Variants in SLC4A10 observed in about 807,000 individuals in gnomAD.
The protein encoded by SLC4A10 is solute carrier family 4 member 10, also known as sodium-driven chloride bicarbonate exchanger.
In SLC4A10, 42 loss-of-function variants were observed where a neutral mutation model predicts 137.7. That is an observed-to-expected ratio of 0.30 (90% CI 0.24 to 0.39). The LOEUF (loss-of-function observed/expected upper bound fraction) is 0.39, where lower values mean the gene tolerates loss of function less well. SLC4A10 is among the 10% of genes least tolerant of loss of function. The pLI is 1.00. For synonymous variants in SLC4A10, 474 were observed against 464.1 expected, an observed-to-expected ratio of 1.02 and a Z score of -0.27; for missense variants, 925 against 1,355.0, an observed-to-expected ratio of 0.68 and a Z score of 4.98.
intron 1 of SLC4A10, among the ~76,000 whole-genome samples, chr2:161,710,389 C>G (rs1010843258): frequency 6.6e-6 from 1 of 151,706 alleles, no homozygotes; most frequent in African/African-American, 2.4e-5. Context: ...CCTGACCTTT[C>G]AAGAGAACCA....
intron 15 of SLC4A10, among the ~76,000 whole-genome samples, chr2:161,933,187 C>CTTTCTTT (rs915487173): frequency 5.2e-5 from 1 of 19,122 alleles, no homozygotes; most frequent in African/African-American, 2.0e-4. Context: ...TCCTTCTTTT[C>CTTTCTTT]TTTCTTTCTT....
In SLC4A10 at chr2:161,681,718, C is replaced by T. The variant is rs146840258; in HGVS notation, c.48+57152C>T. 1.5e-4 allele frequency among the ~76,000 whole-genome samples: 23 copies of T among 152,208 alleles called. No homozygotes were observed. In the East Asian group the frequency reaches 4.4e-3, roughly 29 times the overall value. Reference sequence around the variant, plus strand: ...TTTAAATACTCTCTTTATTAATATACTAAGCTTTCTTACATTTTAATCTTC... The same window carrying T: ...TTTAAATACTCTCTTTATTAATATATTAAGCTTTCTTACATTTTAATCTTC... On this transcript the variant is annotated intron_variant, in intron 1 of 26. Coordinates refer to ENST00000446997, the MANE Select transcript of SLC4A10 (RefSeq NM_001178015.2).
intron 22 of SLC4A10, among the ~76,000 whole-genome samples, chr2:161,964,531 G>A (rs1697254489): frequency 6.6e-6 from 1 of 152,088 alleles, no homozygotes; most frequent in Non-Finnish European, 1.5e-5. Flanking sequence ...GTTTGTGGTA[G>A]TCTGAATTAA....
chr2:161,889,831 T>C (rs1385717177), intron 10 of SLC4A10, among the ~76,000 whole-genome samples: 1 of 152,164 alleles, frequency 6.6e-6, no homozygotes, highest in Admixed American at 6.5e-5. Context: ...TTCTGCTAGC[T>C]TTTGAATTTG....
chr2:161,920,177 C>T (rs1687865476), intron 15 of SLC4A10, among the ~76,000 whole-genome samples: 1 of 152,226 alleles, frequency 6.6e-6, no homozygotes. Context: ...CACAACCTGC[C>T]AGGCCTAGTG....
intron 1 of SLC4A10, among the ~76,000 whole-genome samples, chr2:161,726,157 C>T (rs574723969): frequency 1.3e-5 from 2 of 152,040 alleles, no homozygotes; most frequent in African/African-American, 2.4e-5. Context: ...TTCTGAAGCT[C>T]ATTGAGGGGT....
intron 16 of SLC4A10, among the ~76,000 whole-genome samples, chr2:161,943,986 C>T (rs1385205585): frequency 1.3e-5 from 2 of 151,820 alleles, no homozygotes; most frequent in Non-Finnish European, 2.9e-5. Context: ...ATTTAAAATT[C>T]TATCTTGACC....
intron 2 of SLC4A10, among the ~76,000 whole-genome samples, chr2:161,790,916 G>A (rs1421247813): frequency 1.3e-5 from 2 of 152,116 alleles, no homozygotes; most frequent in African/African-American, 4.8e-5. Flanking sequence ...ACCTCAATAA[G>A]ATATCATCTC....
intron 21 of SLC4A10, among the ~76,000 whole-genome samples, chr2:161,963,040 T>C (rs1337613100): frequency 1.3e-5 from 2 of 152,140 alleles, no homozygotes; most frequent in Admixed American, 6.6e-5. Flanking sequence ...ATTGAAACCA[T>C]TATTTTCTAA....
At chr2:161,977,870 A>G (rs1699634114) in intron 26 of SLC4A10, 110 bp downstream of exon 26, 1 of 946,480 alleles carries the variant, frequency 1.1e-6, no homozygotes, top group Non-Finnish European at 1.5e-6. Flanking sequence ...TGGGGAGGCA[A>G]AAGGCATGGA....
At chr2:161,932,367 A>G (rs983183319) in intron 15 of SLC4A10, among the ~76,000 whole-genome samples, 1 of 152,164 alleles carries the variant, frequency 6.6e-6, no homozygotes, top group Admixed American at 6.5e-5. Flanking sequence ...ACTTTGAGGG[A>G]GGCTACCATG....
chr2:161,814,934 A>T (rs2056904717), intron 3 of SLC4A10, among the ~76,000 whole-genome samples: 1 of 152,120 alleles, frequency 6.6e-6, no homozygotes. Flanking sequence ...AAAAGTAGAA[A>T]TTATTTTTAA....
At chr2:161,914,223 C>T (rs1004439328) in intron 15 of SLC4A10, among the ~76,000 whole-genome samples, 17 of 152,128 alleles carry the variant, frequency 1.1e-4, no homozygotes, top group African/African-American at 4.1e-4. Flanking sequence ...TATTATTTAA[C>T]ATACTGGAAA....
intron 1 of SLC4A10, among the ~76,000 whole-genome samples, chr2:161,642,300 G>A (rs996410748): frequency 6.6e-6 from 1 of 151,740 alleles, no homozygotes; most frequent in African/African-American, 2.4e-5. Context: ...GAAACTTTTG[G>A]CATTAGAATC....
Position 161,660,556 on chromosome 2 carries a change from A to C in SLC4A10, c.48+35990A>C, listed in dbSNP as rs1039618637. 1.8e-4 allele frequency among the ~76,000 whole-genome samples: 20 copies of C among 110,434 alleles called. No individual in the cohort carries two copies. The East Asian group carries it at 4.1e-3, about 23-fold the overall frequency. The allele number at this position is 110,434 out of a possible 152,430, so 72.4% of individuals were successfully genotyped here. On this transcript the variant is annotated intron_variant, in intron 1 of 26. Coordinates refer to ENST00000446997, the MANE Select transcript of SLC4A10 (RefSeq NM_001178015.2). Reference sequence around the variant, plus strand: ...ATTAATAGTTTGTGTACTCATCTATATTTCTTTCTTTCTTTCTTTCTTTCT... The same window carrying C: ...ATTAATAGTTTGTGTACTCATCTATCTTTCTTTCTTTCTTTCTTTCTTTCT...
At chr2:161,632,214 A>AT (rs1221038029) in intron 1 of SLC4A10, among the ~76,000 whole-genome samples, 2 of 151,748 alleles carry the variant, frequency 1.3e-5, no homozygotes, top group Non-Finnish European at 1.5e-5. Context: ...AGCAAGTGAC[A>AT]TAAAAAGTAG....
At chr2:161,664,427 G>A (rs990765299) in intron 1 of SLC4A10, among the ~76,000 whole-genome samples, 1 of 151,964 alleles carries the variant, frequency 6.6e-6, no homozygotes, top group Non-Finnish European at 1.5e-5. Flanking sequence ...ATAAAAAATG[G>A]TTTTTAGAAT....
intron 1 of SLC4A10, among the ~76,000 whole-genome samples, chr2:161,631,118 G>A (rs1002172479): frequency 2.5e-4 from 38 of 151,662 alleles, no homozygotes; most frequent in African/African-American, 8.9e-4. Flanking sequence ...AAGTAGATTA[G>A]GGGTTGCCAG....
At chr2:161,874,567 T>C (rs1415467293) in intron 8 of SLC4A10, among the ~76,000 whole-genome samples, 1 of 152,226 alleles carries the variant, frequency 6.6e-6, no homozygotes, top group Admixed American at 6.5e-5. Context: ...ATTTCCTTTC[T>C]TTTAATCCTT....
Sources: gnomAD v4.1 joint callset for allele counts (sites outside exome capture counted in the v4.1 genomes callset) on GRCh38, gnomAD v4.1.1 for gene constraint, MANE v1.5 for transcripts, NCBI Gene and HGNC (gene_info 2026-07-23, HGNC 2026-07-21) for gene names.